The following GPD2 variants were observed in gnomAD, a reference collection of about 807,000 sequenced individuals.
GPD2 encodes the protein glycerol-3-phosphate dehydrogenase, mitochondrial.
Under a neutral mutation model 82.4 loss-of-function variants are expected in GPD2, and 54 were observed. The ratio of observed to expected loss-of-function variants is 0.66; its 90% CI spans 0.53 to 0.82. GPD2 has a LOEUF of 0.82. Among genes scored for constraint, GPD2 ranks in the 40% least tolerant of loss-of-function variants. The probability of loss-of-function intolerance (pLI) is 0.00; values close to 1 mark genes in which losing one functional copy is unlikely to be tolerated. For synonymous variants in GPD2, 288 were observed against 306.1 expected, an observed-to-expected ratio of 0.94 and a Z score of 0.62; for missense variants, 748 against 896.2, an observed-to-expected ratio of 0.83 and a Z score of 2.11.
At chr2:156,498,694 A>G (rs373792128) in intron 3 of GPD2, among the ~76,000 whole-genome samples, 3 of 152,280 alleles carry the variant, frequency 2.0e-5, no homozygotes, top group East Asian at 3.9e-4. Flanking sequence ...TGGATACACG[A>G]TACTGAAGGA....
chr2:156,438,689 A>G (rs1475400736), intron 1 of GPD2, among the ~76,000 whole-genome samples: 2 of 152,248 alleles, frequency 1.3e-5, no homozygotes, highest in Non-Finnish European at 2.9e-5. Flanking sequence ...AAGTGCAGAA[A>G]CAACACTTCA....
intron 1 of GPD2, among the ~76,000 whole-genome samples, chr2:156,468,775 G>C (rs1683227862): frequency 6.6e-6 from 1 of 152,100 alleles, no homozygotes. Flanking sequence ...GGCATGCAAT[G>C]AGTAACAGTA....
At chr2:156,408,711 T>TAAAAAAAA in the GPD2 span, among the ~76,000 whole-genome samples, 1 of 82,050 alleles carries the variant, frequency 1.2e-5, no homozygotes, top group Non-Finnish European at 2.5e-5. Context: ...CTGCACCTGG[T>TAAAAAAAA]AAAAAAAAAA....
At chr2:156,401,969 C>T in the GPD2 span, among the ~76,000 whole-genome samples, 1 of 151,734 alleles carries the variant, frequency 6.6e-6, no homozygotes, top group Non-Finnish European at 1.5e-5. Flanking sequence ...AGGGAAATAC[C>T]TAATAATTTC....
chr2:156,476,244 C>A, intron 2 of GPD2, 37 bp downstream of exon 2: 2 of 1,065,156 alleles, frequency 1.9e-6, no homozygotes, highest in Non-Finnish European at 2.9e-6. Context: ...CAGTATGCAA[C>A]TTAAATCTGC....
rs191449840 is a variant in GPD2 at position 156,452,417 on chromosome 2, G to C, written c.-9+15904G>C. Among the ~76,000 whole-genome samples the C allele has an allele frequency of 8.0e-3, 1,220 of 152,372 alleles. 4 individuals are homozygous for C. Among genetic ancestry groups the C allele is most frequent in the Non-Finnish European group, 0.012 (785 of 68,040 alleles). On this transcript the variant is annotated intron_variant, in intron 1 of 16. Transcript: ENST00000438166. ...AAAAATACAAAAACCAGTCAGGCGC[G>C]GCGGCGCGCACCTGCAATCGCAGGC...
intron 8 of GPD2, among the ~76,000 whole-genome samples, chr2:156,552,975 C>T (rs1021546267): frequency 6.7e-6 from 1 of 148,446 alleles, no homozygotes; most frequent in African/African-American, 2.5e-5. Context: ...TCTTGGCCCA[C>T]TGCAACCTCC....
intron 13 of GPD2, among the ~76,000 whole-genome samples, chr2:156,574,542 A>G (rs2105371222): frequency 6.6e-6 from 1 of 152,292 alleles, no homozygotes; most frequent in East Asian, 1.9e-4. Context: ...TTTCATTCAG[A>G]GACTATAAAG....
At chr2:156,475,906 C>T (rs549065794) in intron 1 of GPD2, among the ~76,000 whole-genome samples, 192 bp from the exon 2 acceptor site, 1 of 152,138 alleles carries the variant, frequency 6.6e-6, no homozygotes, top group East Asian at 1.9e-4. Context: ...GTGATCAATT[C>T]CCTTGTCTAG....
chr2:156,484,594 C>T (rs1167311113), intron 2 of GPD2, among the ~76,000 whole-genome samples: 1 of 152,018 alleles, frequency 6.6e-6, no homozygotes, highest in African/African-American at 2.4e-5. Flanking sequence ...AATCCCAGCA[C>T]TTTGGGAGGC....
intron 2 of GPD2, among the ~76,000 whole-genome samples, chr2:156,487,827 A>G (rs1011597637): frequency 1.2e-4 from 18 of 152,220 alleles, no homozygotes; most frequent in African/African-American, 3.1e-4. Context: ...TTGAAAACCT[A>G]TCTCCCAAAT....
At chr2:156,515,954 C>T (rs545837974) in intron 6 of GPD2, among the ~76,000 whole-genome samples, 4 of 152,182 alleles carry the variant, frequency 2.6e-5, no homozygotes, top group East Asian at 1.9e-4. Flanking sequence ...AATTGAATAT[C>T]GACATGGAAA....
chr2:156,579,318 C>T (rs7422938), intron 15 of GPD2, among the ~76,000 whole-genome samples, 154 bp downstream of exon 15: 36 of 146,234 alleles, frequency 2.5e-4, no homozygotes, highest in African/African-American at 8.3e-4. Context: ...AATTTTTTTT[C>T]TTTTTTCTTT....
Position 156,582,908 on chromosome 2 carries a change from G to C in GPD2, c.2174G>C (p.Gly725Ala). ...CCAATTCCAGTGGACCGTAGTTGTG[G>C]AGGATTGTGAGTCTGGGCAGTAAAT... ...RVPIPVDRSCGGL is the reference protein window; with the variant it reads ...RVPIPVDRSCAGL Residue 725 changes from glycine (G) to alanine (A), a missense_variant, in exon 17 of 17, where the codon GGA becomes GCA. By Grantham distance (60) the Gly-to-Ala change is moderately conservative. This residue lies in a region of GPD2 where 46 missense variants were observed against 49.1 expected (regional missense o/e 0.94). Coordinates refer to ENST00000438166, the MANE Select transcript of GPD2 (RefSeq NM_000408.5). The C allele has an allele frequency of 6.2e-7, 1 of 1,612,882 alleles. No individual in the cohort carries two copies. Among genetic ancestry groups the C allele is most frequent in the Non-Finnish European group, 8.5e-7 (1 of 1,179,124 alleles).
At chr2:156,444,036 G>A (rs1341048711) in intron 1 of GPD2, among the ~76,000 whole-genome samples, 1 of 152,192 alleles carries the variant, frequency 6.6e-6, no homozygotes, top group African/African-American at 2.4e-5. Flanking sequence ...TTTGGTCACT[G>A]TCTGGACCTT....
intron 3 of GPD2, among the ~76,000 whole-genome samples, chr2:156,502,074 G>C (rs1013239546): frequency 6.6e-6 from 1 of 150,812 alleles, no homozygotes. Context: ...TGATGTTGGG[G>C]TATCCACTCC....
intron 13 of GPD2, 143 bp downstream of exon 13, chr2:156,571,435 C>A: frequency 2.2e-6 from 1 of 463,088 alleles, no homozygotes; most frequent in Non-Finnish European, 3.8e-6. Flanking sequence ...TATTGTTAGG[C>A]CTTAGGAAAA....
chr2:156,550,554 AAC>A, intron 7 of GPD2, 46 bp from the exon 8 acceptor site: 1 of 1,591,420 alleles, frequency 6.3e-7, no homozygotes, highest in South Asian at 1.1e-5. Context: ...AGCATCCGTT[AAC>A]AGAGAAACAA....
chr2:156,469,392 G>A (rs765990720), intron 1 of GPD2, among the ~76,000 whole-genome samples: 3 of 151,990 alleles, frequency 2.0e-5, no homozygotes, highest in South Asian at 4.1e-4. Context: ...TTCGAACTTC[G>A]GAACTCAAGT....
Sources: allele counts gnomAD v4.1 joint callset (sites outside exome capture counted in the v4.1 genomes callset), GRCh38; gene constraint gnomAD v4.1.1; regional missense constraint gnomAD v4.1.1; transcripts MANE v1.5; gene names NCBI Gene and HGNC (gene_info 2026-07-23, HGNC 2026-07-21).